Variants in RMST observed in about 807,000 individuals in gnomAD.
RMST encodes rhabdomyosarcoma 2 associated transcript.
chr12:97,463,927 G>T lies in RMST; in HGVS notation n.584+638G>T, dbSNP rs112930814. Among the ~76,000 whole-genome samples, 9 of 152,188 alleles carry T rather than the reference G, an allele frequency of 5.9e-5. 1 individual carries two copies. Among genetic ancestry groups the T allele is most frequent in the African/African-American group, 2.2e-4 (9 of 41,508 alleles). ...GACTCAAAATTAGACTGTAGAGGAT[G>T]AACACTTTGTGTAGAGATATTACTA... On this transcript the variant is annotated intron_variant and non_coding_transcript_variant, in intron 4 of 13. Coordinates refer to ENST00000640149, the Ensembl canonical transcript of RMST.
chr12:97,486,082 T>C (rs1392081969), intron 5 of RMST, among the ~76,000 whole-genome samples: 1 of 152,156 alleles, frequency 6.6e-6, no homozygotes, highest in East Asian at 1.9e-4. Flanking sequence ...CATGATAGAG[T>C]AGGACCCTTT....
intron 11 of RMST, among the ~76,000 whole-genome samples, chr12:97,544,571 G>A (rs934820798): frequency 6.6e-6 from 1 of 151,994 alleles, no homozygotes; most frequent in Non-Finnish European, 1.5e-5. Flanking sequence ...GGGGAATCGA[G>A]TTCCATAGCC....
exon 5 of RMST, chr12:97,465,705 T>C (rs1050286934): frequency 1.3e-5 from 2 of 152,188 alleles, no homozygotes; most frequent in Non-Finnish European, 2.9e-5. Context: ...CCATGAGAAG[T>C]GACATCCTCC....
intron 10 of RMST, among the ~76,000 whole-genome samples, chr12:97,503,786 GAC>G (rs747698342): frequency 6.6e-6 from 1 of 152,182 alleles, no homozygotes; most frequent in East Asian, 1.9e-4. Context: ...TTTTTGTACA[GAC>G]ACACTTTCTA....
chr12:97,537,344 A>G (rs1261729729), intron 11 of RMST, among the ~76,000 whole-genome samples: 2 of 151,516 alleles, frequency 1.3e-5, no homozygotes, highest in East Asian at 1.9e-4. Context: ...AAACATTTAT[A>G]AAAAATATGA....
chr12:97,477,926 T>C (rs1312704960), intron 5 of RMST, among the ~76,000 whole-genome samples: 1 of 152,154 alleles, frequency 6.6e-6, no homozygotes, highest in East Asian at 1.9e-4. Flanking sequence ...TTGCAATCTG[T>C]GTGGTAAAGA....
At chr12:97,477,704 A>T (rs1052933976) in intron 5 of RMST, among the ~76,000 whole-genome samples, 9 of 152,318 alleles carry the variant, frequency 5.9e-5, no homozygotes, top group African/African-American at 2.2e-4. Context: ...TACTTAATGC[A>T]TGGTTTTTCC....
intron 5 of RMST, among the ~76,000 whole-genome samples, chr12:97,489,527 T>C (rs572822881): frequency 6.6e-6 from 1 of 152,276 alleles, no homozygotes; most frequent in East Asian, 1.9e-4. Flanking sequence ...TTTTAGGTGG[T>C]TCTGTCACAA....
chr12:97,526,075 T>G (rs759760593), intron 10 of RMST, among the ~76,000 whole-genome samples: 1 of 151,982 alleles, frequency 6.6e-6, no homozygotes, highest in Non-Finnish European at 1.5e-5. Flanking sequence ...CTCCCACTGA[T>G]TCTACATTAT....
chr12:97,473,383 C>T (rs961173780), intron 5 of RMST, among the ~76,000 whole-genome samples: 4 of 152,058 alleles, frequency 2.6e-5, no homozygotes, highest in African/African-American at 4.8e-5. Context: ...GTGTGTGTTT[C>T]GAAGGCTGGG....
intron 13 of RMST, among the ~76,000 whole-genome samples, chr12:97,562,081 C>G (rs561521872): frequency 2.1e-4 from 32 of 152,158 alleles, no homozygotes; most frequent in African/African-American, 7.7e-4. Flanking sequence ...TCTCTAGTTT[C>G]CCACATAACA....
intron 10 of RMST, among the ~76,000 whole-genome samples, chr12:97,518,329 A>C (rs1030711914): frequency 2.6e-5 from 4 of 152,180 alleles, no homozygotes; most frequent in African/African-American, 9.7e-5. Context: ...TTATTACCAT[A>C]CACTTTGGTT....
intron 11 of RMST, among the ~76,000 whole-genome samples, chr12:97,538,343 A>G (rs1882239086): frequency 6.6e-6 from 1 of 151,338 alleles, no homozygotes; most frequent in African/African-American, 2.4e-5. Flanking sequence ...TTTGGTTTCC[A>G]TTACCTTTGT....
At chr12:97,557,331 G>A (rs1019839639) in intron 11 of RMST, among the ~76,000 whole-genome samples, 6 of 152,108 alleles carry the variant, frequency 3.9e-5, no homozygotes, top group Non-Finnish European at 8.8e-5. Context: ...CACCTGAGAG[G>A]TTGTTAATTC....
At chr12:97,563,810 C>A in intron 13 of RMST, 1 of 504,958 alleles carries the variant, frequency 2.0e-6, no homozygotes. Flanking sequence ...TGCATCCGAC[C>A]AAGATAAATT....
intron 11 of RMST, among the ~76,000 whole-genome samples, chr12:97,532,092 A>T (rs1046982777): frequency 6.6e-6 from 1 of 152,010 alleles, no homozygotes; most frequent in East Asian, 1.9e-4. Context: ...TGGAAATTTG[A>T]CTTAACAGAT....
At chr12:97,475,586 TG>T (rs1217540271) in intron 5 of RMST, among the ~76,000 whole-genome samples, 74 of 124,042 alleles carry the variant, frequency 6.0e-4, no homozygotes, top group African/African-American at 1.8e-3. Flanking sequence ...TCTTTTTTTT[TG>T]TTTTTTTTTT....
In RMST at chr12:97,563,505, C is replaced by T. The variant is rs376090614; in HGVS notation, n.1959-645C>T. The T allele has an allele frequency of 1.7e-5, 5 of 286,016 alleles. No individual in the cohort carries two copies. In the East Asian group the frequency reaches 4.7e-4, roughly 27 times the overall value. The allele number at this position is 286,016 out of a possible 1,614,324, so 17.7% of individuals were successfully genotyped here. A position where few individuals can be genotyped will look rare whatever the true frequency, so the allele number is the denominator to read the frequency against. ...GTGATTTGTCTGTCTTCTGTCTTTC[C>T]GTATGTGTTTCCAAGTTCAATGTCA... On this transcript the variant is annotated intron_variant and non_coding_transcript_variant, in intron 13 of 13. Coordinates refer to ENST00000640149, the Ensembl canonical transcript of RMST.
intron 5 of RMST, among the ~76,000 whole-genome samples, chr12:97,486,915 G>A (rs889040085): frequency 6.6e-6 from 1 of 152,184 alleles, no homozygotes. Context: ...ACTTGTAATT[G>A]TGTGAAATTA....
Sources: gnomAD v4.1 joint callset for allele counts (sites outside exome capture counted in the v4.1 genomes callset) on GRCh38, gnomAD v4.1.1 for gene constraint, MANE v1.5 for transcripts, NCBI Gene and HGNC (gene_info 2026-07-23, HGNC 2026-07-21) for gene names.